Variants in CUX1 observed in about 807,000 individuals in gnomAD.
CUX1 encodes cut like homeobox 1, also known as protein CASP.
In CUX1, 31 loss-of-function variants were observed where a neutral mutation model predicts 158.8. The ratio of observed to expected loss-of-function variants is 0.20; its 90% CI spans 0.15 to 0.26. The LOEUF is 0.26. Among genes scored for constraint, CUX1 ranks in the 10% least tolerant of loss-of-function variants. The probability of loss-of-function intolerance (pLI) is 1.00; values close to 1 mark genes in which losing one functional copy is unlikely to be tolerated. For synonymous variants in CUX1, 879 were observed against 862.1 expected, an observed-to-expected ratio of 1.02 and a Z score of -0.34; for missense variants, 1,589 against 2,014.6, an observed-to-expected ratio of 0.79 and a Z score of 4.04.
rs782299983 is a variant in CUX1 at position 102,083,705 on chromosome 7, T to G, written c.268+13288T>G. Among the ~76,000 whole-genome samples, 6 of 146,888 alleles carry G rather than the reference T, an allele frequency of 4.1e-5. 1 individual carries two copies. The highest frequency in any genetic ancestry group is 6.1e-5 in the Non-Finnish European group (4 of 65,122). ...TATTTGTAGATCAATTTGAGGAAAA[T>G]TGACAACACTATTTATTCTTCCATA... On this transcript the variant is annotated intron_variant, in intron 4 of 23. Transcript: ENST00000292535.
chr7:102,280,035 A>G lies in CUX1; in HGVS notation c.1681-2A>G. On this transcript the variant is annotated splice_acceptor_variant, in intron 18 of 22. Transcript: ENST00000292538. LOFTEE classifies it high-confidence loss of function. ...GTTCTCTTCCCCTCCCTGTCTGTGC[A>G]GGGCAGCGGCAGTGATGACACGGAG... is the stretch of plus-strand genomic sequence containing the variant. 6.2e-7 allele frequency: 1 copy of G among 1,602,140 alleles called. No homozygotes were observed. The highest frequency in any genetic ancestry group is 8.5e-7 in the Non-Finnish European group (1 of 1,172,876).
At chr7:101,824,192 A>G (rs1028010521) in intron 1 of CUX1, among the ~76,000 whole-genome samples, 3 of 152,160 alleles carry the variant, frequency 2.0e-5, no homozygotes, top group African/African-American at 7.2e-5. Context: ...GGTTCAAGTG[A>G]TTCTCGTGCC....
chr7:101,839,167 T>C (rs1469117386), intron 1 of CUX1, among the ~76,000 whole-genome samples: 1 of 152,152 alleles, frequency 6.6e-6, no homozygotes, highest in African/African-American at 2.4e-5. Flanking sequence ...CCAAGTACCA[T>C]CATATTGGAG....
chr7:102,204,262 G>A (rs1586200909), intron 18 of CUX1, 129 bp from the exon 19 acceptor site: 3 of 1,185,750 alleles, frequency 2.5e-6, no homozygotes, highest in East Asian at 4.8e-5. Flanking sequence ...CCGCCACCAG[G>A]CCGTGGTTCT....
intron 3 of CUX1, among the ~76,000 whole-genome samples, chr7:102,060,974 G>C (rs1824802916): frequency 7.6e-6 from 1 of 131,646 alleles, no homozygotes; most frequent in Non-Finnish European, 1.5e-5. Flanking sequence ...GCCCAGGCTA[G>C]AGTGCAGTGG....
intron 4 of CUX1, among the ~76,000 whole-genome samples, chr7:102,092,481 C>T (rs1554482546): frequency 6.6e-6 from 1 of 152,254 alleles, no homozygotes; most frequent in East Asian, 1.9e-4. Context: ...TCTCCATGCT[C>T]AGCAGCGCAA....
intron 11 of CUX1, chr7:102,187,189 T>C (rs1793719028): frequency 6.6e-6 from 1 of 151,980 alleles, no homozygotes; most frequent in Non-Finnish European, 1.5e-5. Flanking sequence ...ACAGAAACTG[T>C]AATGGGACTT....
At chr7:101,878,360 C>G (rs185753945) in intron 1 of CUX1, among the ~76,000 whole-genome samples, 2 of 152,264 alleles carry the variant, frequency 1.3e-5, no homozygotes, top group African/African-American at 4.8e-5. Flanking sequence ...AGAGACCAAC[C>G]TCGCAGTTAG....
chr7:102,264,176 T>G (rs1176056157), intron 14 of CUX1, among the ~76,000 whole-genome samples: 2 of 151,176 alleles, frequency 1.3e-5, no homozygotes, highest in African/African-American at 4.9e-5. Flanking sequence ...CGGCTAATTT[T>G]TGTATTTTTA....
intron 1 of CUX1, among the ~76,000 whole-genome samples, chr7:101,878,467 G>A (rs1296412709): frequency 6.6e-6 from 1 of 152,140 alleles, no homozygotes; most frequent in Non-Finnish European, 1.5e-5. Context: ...GGCCAAGTTG[G>A]GGGAATGTCG....
In CUX1 at chr7:102,248,196, C is replaced by G. The variant is rs1210917629; in HGVS notation, c.3888-216C>G. Among the ~76,000 whole-genome samples, 2 of 152,122 alleles carry G rather than the reference C, an allele frequency of 1.3e-5. No homozygotes were observed. Among genetic ancestry groups the G allele is most frequent in the Non-Finnish European group, 2.9e-5 (2 of 68,024 alleles). On this transcript the variant is annotated intron_variant, in intron 23 of 23. Transcript: ENST00000292535. This position sits in a 1 kb window ranked among gnomAD's most constrained non-coding sequence, Gnocchi z 5.8. ...GCAGTGGAGAATAGGGGAGTGGTGT[C>G]CCAGCCCTGGGATGGCTCCTGGCCA...
In CUX1 at chr7:102,251,074, A is replaced by C. The variant is rs1801460701; in HGVS notation, c.*2032A>C. The stretch of plus-strand genomic sequence containing the variant: ...TTTAGAGGGATAGACTGCCGGCAGT[A>C]TTGGGTATAATTTACAAGATGTAGT... On this transcript the variant is annotated 3_prime_UTR_variant, in exon 24 of 24. Coordinates refer to ENST00000292535, the MANE Select transcript of CUX1 (RefSeq NM_181552.4). The C allele has an allele frequency of 1.0e-6, 1 of 985,178 alleles. No homozygotes were observed. Among genetic ancestry groups the C allele is most frequent in the African/African-American group, 1.7e-5 (1 of 57,220 alleles). The allele number at this position is 985,178 out of a possible 1,614,324, so 61.0% of individuals were successfully genotyped here.
At chr7:101,871,990 C>A (rs1419309939) in intron 1 of CUX1, among the ~76,000 whole-genome samples, 2 of 150,848 alleles carry the variant, frequency 1.3e-5, no homozygotes, top group African/African-American at 2.4e-5. Context: ...TGCACTCCAG[C>A]CTTGGCGACA....
At chr7:101,939,058 CATATATATATATATATATAT>C (rs58303224) in intron 2 of CUX1, among the ~76,000 whole-genome samples, 3,976 of 52,496 alleles carry the variant, frequency 0.076, 433 homozygotes, top group Middle Eastern at 0.098. Flanking sequence ...AAAAAAAATA[CATATATATATATATATATAT>C]ATATATATAT....
chr7:101,970,182 A>G (rs1014252431), intron 2 of CUX1, among the ~76,000 whole-genome samples: 1 of 152,214 alleles, frequency 6.6e-6, no homozygotes, highest in Non-Finnish European at 1.5e-5. Context: ...CTCTTAGCAA[A>G]CGTTGACTGA....
intron 10 of CUX1, among the ~76,000 whole-genome samples, chr7:102,177,875 GA>G (rs1792561736): frequency 7.0e-6 from 1 of 141,944 alleles, no homozygotes; most frequent in Admixed American, 6.9e-5. Flanking sequence ...GCCCTGGGAA[GA>G]CAGGGACTTT....
chr7:101,985,110 T>A (rs1443346505), intron 2 of CUX1, among the ~76,000 whole-genome samples: 1 of 152,212 alleles, frequency 6.6e-6, no homozygotes, highest in African/African-American at 2.4e-5. Context: ...ATGGTTTAAA[T>A]TGATGTTTTA....
chr7:102,028,781 G>A (rs1820367922), intron 3 of CUX1, among the ~76,000 whole-genome samples: 1 of 152,192 alleles, frequency 6.6e-6, no homozygotes, highest in East Asian at 1.9e-4. Flanking sequence ...CTCCACGTGA[G>A]TGACACTCTT....
chr7:101,861,226 C>T (rs1366143877), intron 1 of CUX1, among the ~76,000 whole-genome samples: 7 of 152,302 alleles, frequency 4.6e-5, no homozygotes, highest in Non-Finnish European at 2.9e-5. Flanking sequence ...GGCACATTTT[C>T]CTTTAGCTGC....
Sources: gnomAD v4.1 joint callset for allele counts (sites outside exome capture counted in the v4.1 genomes callset) on GRCh38, gnomAD v4.1.1 for gene constraint, Gnocchi (gnomAD v3.1) non-coding constraint, MANE v1.5 for transcripts, NCBI Gene and HGNC (gene_info 2026-07-23, HGNC 2026-07-21) for gene names.